Variants in EDNRB observed in about 807,000 individuals in gnomAD.
EDNRB encodes endothelin receptor type B, also known as Hirschsprung disease 2.
In EDNRB, 18 loss-of-function variants were observed where a neutral mutation model predicts 46.4. The ratio of observed to expected loss-of-function variants is 0.39; its 90% CI spans 0.27 to 0.57. The LOEUF is 0.57. Ranked by LOEUF, EDNRB falls within the 20% of genes least tolerant of loss-of-function variation. EDNRB has a pLI of 0.61. For synonymous variants in EDNRB, 213 were observed against 204.9 expected (o/e 1.04, Z -0.34); for missense variants, 434 against 537.5 (o/e 0.81, Z 1.90).
In EDNRB at chr13:77,900,482, C is replaced by T. The variant is rs947108047; in HGVS notation, c.1085+39G>A. 5 of 1,610,772 alleles carry T rather than the reference C, an allele frequency of 3.1e-6. No homozygotes were observed. The Admixed American group carries it at 5.0e-5, about 16-fold the overall frequency. On this transcript the variant is annotated intron_variant, in intron 5 of 6. Transcript: ENST00000646607. ...GATCGATGGAAACACTTCTGAGTGG[C>T]ATTTATTTACAAAACCATTTCTAGT...
chr13:77,933,476 A>G (rs1880463016), intron 1 of EDNRB, among the ~76,000 whole-genome samples: 1 of 152,118 alleles, frequency 6.6e-6, no homozygotes, highest in East Asian at 1.9e-4. Context: ...AGGAGAAGGA[A>G]TTTCACAAGA....
chr13:77,930,811 G>T (rs1318706662), intron 1 of EDNRB, among the ~76,000 whole-genome samples: 2 of 152,168 alleles, frequency 1.3e-5, no homozygotes, highest in Admixed American at 6.5e-5. Context: ...TTGGCTAAAT[G>T]CATGCAGTGC....
chr13:77,936,544 G>A (rs1428636388), intron 1 of EDNRB, among the ~76,000 whole-genome samples: 1 of 152,226 alleles, frequency 6.6e-6, no homozygotes, highest in Non-Finnish European at 1.5e-5. Context: ...GAGCATCTGT[G>A]ATGGTCTTGT....
chr13:77,948,887 C>T (rs188982866), intron 1 of EDNRB, among the ~76,000 whole-genome samples: 1 of 152,064 alleles, frequency 6.6e-6, no homozygotes, highest in Non-Finnish European at 1.5e-5. Flanking sequence ...AAAGAAAATA[C>T]CTTGGGAAGT....
At chr13:77,936,726 A>G (rs1343543277) in intron 1 of EDNRB, among the ~76,000 whole-genome samples, 1 of 152,196 alleles carries the variant, frequency 6.6e-6, no homozygotes, top group East Asian at 1.9e-4. Flanking sequence ...ATGGCTTAGG[A>G]GGAATCCCAG....
At position 77,903,356 on chromosome 13, in the gene EDNRB, G is replaced by A. The variant is rs104894391; in HGVS notation, c.601C>T (p.Arg201Ter). The stretch of plus-strand genomic sequence containing the variant: ...ATTCTACTCCAAGAAGCAACAGCTC[G>A]ATATCTGAAGATAAAAATAGAATTG... ...SLCALSIDRY[R>*]AVASWSRIKG... The change falls in exon 3 of 7, where the codon CGA (arginine) becomes TGA (stop). Residue 201 changes from arginine to a stop codon, truncating the protein, a stop_gained. Coordinates refer to ENST00000646607, the MANE Select transcript of EDNRB (RefSeq NM_001122659.3). LOFTEE classifies it high-confidence loss of function. 3 of 1,612,592 alleles carry A rather than the reference G, an allele frequency of 1.9e-6. No homozygotes were observed. The highest frequency in any genetic ancestry group is 2.5e-6 in the Non-Finnish European group (3 of 1,179,286).
At chr13:77,959,406 C>T (rs1881336514) in intron 1 of EDNRB, among the ~76,000 whole-genome samples, 1 of 152,232 alleles carries the variant, frequency 6.6e-6, no homozygotes, top group African/African-American at 2.4e-5. Context: ...TCTGCAGCCA[C>T]CACTGCTGAT....
At position 77,896,986 on chromosome 13, in the gene EDNRB, A is replaced by C. The variant is rs1878663497; in HGVS notation, c.*1214T>G. Reference sequence around the variant, plus strand: ...ATTGGCTATTTACAAAAATAATACAAAAATTAGTAATAAGCTTTACAGGTA... The same window carrying C: ...ATTGGCTATTTACAAAAATAATACACAAATTAGTAATAAGCTTTACAGGTA... On this transcript the variant is annotated 3_prime_UTR_variant, in exon 7 of 7. Coordinates refer to ENST00000646607, the MANE Select transcript of EDNRB (RefSeq NM_001122659.3). The C allele has an allele frequency of 1.0e-6, 1 of 991,502 alleles. No individual in the cohort carries two copies. The highest frequency in any genetic ancestry group is 1.2e-6 in the Non-Finnish European group (1 of 834,228). The allele number at this position is 991,502 out of a possible 1,614,324, so 61.4% of individuals were successfully genotyped here.
At chr13:77,934,970 C>A (rs1880517999) in intron 1 of EDNRB, among the ~76,000 whole-genome samples, 1 of 147,448 alleles carries the variant, frequency 6.8e-6, no homozygotes, top group African/African-American at 2.5e-5. Context: ...TCATGGGGGT[C>A]AGGTGTGGTA....
chr13:77,912,412 A>G (rs1879616586), intron 1 of EDNRB, among the ~76,000 whole-genome samples: 2 of 152,238 alleles, frequency 1.3e-5, no homozygotes, highest in South Asian at 2.1e-4. Context: ...TGAATTGGGA[A>G]TATGAAGTCT....
upstream of EDNRB, among the ~76,000 whole-genome samples, chr13:77,920,273 G>A (rs1044924294): frequency 2.6e-5 from 4 of 152,160 alleles, no homozygotes; most frequent in Non-Finnish European, 5.9e-5. Flanking sequence ...AATACAATAA[G>A]GTCTTTCTAT....
chr13:77,924,284 T>C (rs1185911362), upstream of EDNRB, among the ~76,000 whole-genome samples: 2 of 152,206 alleles, frequency 1.3e-5, no homozygotes, highest in Non-Finnish European at 2.9e-5. Context: ...AGAACAATTA[T>C]TGCTATCCGT....
At chr13:77,907,190 G>A (rs551409994) in intron 1 of EDNRB, among the ~76,000 whole-genome samples, 2 of 152,076 alleles carry the variant, frequency 1.3e-5, no homozygotes, top group East Asian at 3.9e-4. Context: ...GTGAGGATGT[G>A]TCTGGAAGAA....
At chr13:77,937,440 T>C (rs1057300671) in intron 1 of EDNRB, among the ~76,000 whole-genome samples, 3 of 152,168 alleles carry the variant, frequency 2.0e-5, no homozygotes, top group African/African-American at 7.2e-5. Context: ...CAGGATGACA[T>C]TTAAGTCACT....
At chr13:77,961,130 T>C (rs2137684710) in intron 1 of EDNRB, among the ~76,000 whole-genome samples, 1 of 152,076 alleles carries the variant, frequency 6.6e-6, no homozygotes, top group East Asian at 1.9e-4. Flanking sequence ...ATTAGACAGA[T>C]CAACAAGACA....
intron 1 of EDNRB, among the ~76,000 whole-genome samples, chr13:77,926,682 G>A (rs1880247856): frequency 6.6e-6 from 1 of 152,144 alleles, no homozygotes; most frequent in Non-Finnish European, 1.5e-5. Context: ...TTCCACCTCT[G>A]CGTGTTATCC....
intron 1 of EDNRB, among the ~76,000 whole-genome samples, chr13:77,969,619 C>T (rs181326483): frequency 8.5e-5 from 13 of 152,234 alleles, no homozygotes; most frequent in South Asian, 2.1e-4. Context: ...CAGGCTGATC[C>T]GAGGCCCCTG....
intron 1 of EDNRB, among the ~76,000 whole-genome samples, chr13:77,966,774 T>C (rs1386775146): frequency 6.6e-6 from 1 of 152,188 alleles, no homozygotes; most frequent in Admixed American, 6.6e-5. Context: ...TTATCTCTTA[T>C]ATTTATGATT....
chr13:77,919,641 A>C, upstream of EDNRB: 1 of 1,574,196 alleles, frequency 6.4e-7, no homozygotes, highest in Non-Finnish European at 8.7e-7. Flanking sequence ...AATCACCGCC[A>C]GACTCCTCCC....
Sources: gnomAD v4.1 joint callset for allele counts (sites outside exome capture counted in the v4.1 genomes callset) on GRCh38, gnomAD v4.1.1 for gene constraint, MANE v1.5 for transcripts, NCBI Gene and HGNC (gene_info 2026-07-23, HGNC 2026-07-21) for gene names.